Variants in RNASEH2B observed in about 807,000 individuals in gnomAD.
RNASEH2B encodes Aicardi-Goutieres syndrome 2 protein.
Under a neutral mutation model 45.0 loss-of-function variants are expected in RNASEH2B, and 36 were observed. The ratio of observed to expected loss-of-function variants is 0.80; its 90% confidence interval spans 0.61 to 1.06. The LOEUF (loss-of-function observed/expected upper bound fraction) is 1.06. Ranked by LOEUF, RNASEH2B falls within the 50% of genes least tolerant of loss-of-function variation. The probability of loss-of-function intolerance (pLI) is 0.00; values close to 1 mark genes in which losing one functional copy is unlikely to be tolerated. For missense variants in RNASEH2B, 361 were observed against 360.3 expected (o/e 1.00, Z -0.02); for synonymous variants, 119 against 125.7 (o/e 0.95, Z 0.35).
In RNASEH2B at chr13:50,945,692, G is replaced by A. The variant is rs17075018; in HGVS notation, c.616+160G>A. On this transcript the variant is annotated intron_variant, in intron 7 of 10. Coordinates refer to ENST00000336617, the MANE Select transcript of RNASEH2B (RefSeq NM_024570.4). ...CAGGTGTGCATCTTATTTCAGAAGC[G>A]AAGAATATTTCTACCATAGGTTACT... Among the ~76,000 whole-genome samples, 35,802 of 152,054 alleles carry A rather than the reference G, an allele frequency of 0.24. 5,134 individuals are homozygous for A. Among genetic ancestry groups the A allele is most frequent in the African/African-American group, 0.41 (17,029 of 41,432 alleles).
chr13:50,943,851 G>A (rs976360235), intron 6 of RNASEH2B, among the ~76,000 whole-genome samples: 1 of 152,214 alleles, frequency 6.6e-6, no homozygotes, highest in Non-Finnish European at 1.5e-5. Context: ...ACTGATGAGG[G>A]GTCATCTTAC....
intron 9 of RNASEH2B, among the ~76,000 whole-genome samples, chr13:50,968,943 C>T (rs1488374911): frequency 6.6e-6 from 1 of 152,144 alleles, no homozygotes; most frequent in East Asian, 1.9e-4. Flanking sequence ...TTACTTTACA[C>T]GTGTTTGAAA....
At chr13:50,963,307 G>T (rs1001467914) in intron 9 of RNASEH2B, among the ~76,000 whole-genome samples, 3 of 152,120 alleles carry the variant, frequency 2.0e-5, no homozygotes, top group Admixed American at 6.5e-5. Context: ...TGGGATTACA[G>T]TCATGCGTCA....
chr13:50,947,365 T>TAAG (rs1237280630), intron 7 of RNASEH2B, among the ~76,000 whole-genome samples: 11 of 148,988 alleles, frequency 7.4e-5, no homozygotes, highest in African/African-American at 2.5e-4. Context: ...TGTTTAAGTT[T>TAAG]AAGTATTTTA....
intron 9 of RNASEH2B, among the ~76,000 whole-genome samples, chr13:50,966,665 G>A (rs755794101): frequency 6.6e-6 from 1 of 152,106 alleles, no homozygotes; most frequent in Non-Finnish European, 1.5e-5. Flanking sequence ...ACTCTCCTCT[G>A]TAAGGCTTAA....
At chr13:50,957,307 AC>A (rs536428919), downstream of RNASEH2B, among the ~76,000 whole-genome samples, 65 of 152,030 alleles carry the variant, frequency 4.3e-4, no homozygotes, top group African/African-American at 1.5e-3. Context: ...GTCCATTTGT[AC>A]CCAATGTTTA....
rs1393255952 is a variant in RNASEH2B, at chr13:50,956,639, G to A, written c.*165G>A. 2 of 1,421,346 alleles carry A rather than the reference G, an allele frequency of 1.4e-6. No individual in the cohort carries two copies. The highest frequency in any genetic ancestry group is 1.8e-6 in the Non-Finnish European group (2 of 1,082,450). The allele number at this position is 1,421,346 out of a possible 1,614,324, so 88.0% of individuals were successfully genotyped here. On this transcript the variant is annotated 3_prime_UTR_variant, in exon 11 of 11. Coordinates refer to ENST00000336617, the MANE Select transcript of RNASEH2B (RefSeq NM_024570.4). ...TTTTTGTGTTCCTGAACAAAATATG[G>A]GAAAGTGTCTAACTTCATGGCTATG...
chr13:50,960,661 A>G (rs1952102850), downstream of RNASEH2B, among the ~76,000 whole-genome samples: 2 of 152,208 alleles, frequency 1.3e-5, no homozygotes, highest in South Asian at 4.1e-4. Flanking sequence ...TCAATAGCAT[A>G]ATGGATACAT....
intron 1 of RNASEH2B, chr13:50,913,193 T>C (rs1350409731): frequency 1.3e-5 from 2 of 152,236 alleles, no homozygotes; most frequent in Non-Finnish European, 2.9e-5. Flanking sequence ...CTGGGAATAC[T>C]AGCCTGTTTG....
chr13:50,953,949 C>T lies in RNASEH2B; in HGVS notation c.786C>T (p.Tyr262=), dbSNP rs776847998. Residue 262 remains tyrosine (Y), a synonymous_variant, in exon 10 of 11, where the codon TAC becomes TAT. Coordinates refer to ENST00000336617, the MANE Select transcript of RNASEH2B (RefSeq NM_024570.4). ...AGCCTGTAGAAGCAAAAGAAGATTA[C>T]ACTAAGTTTAATACTAAAGATTTGA... is the stretch of plus-strand genomic sequence containing the variant. The part of the protein sequence containing the change: ...SDEPVEAKED[Y]TKFNTKDLKT... The T allele has an allele frequency of 6.2e-7, 1 of 1,607,532 alleles. No homozygotes were observed. The highest frequency in any genetic ancestry group is 8.5e-7 in the Non-Finnish European group (1 of 1,174,166).
chr13:50,941,719 C>G lies in RNASEH2B; in HGVS notation c.437-1602C>G, dbSNP rs567280434. 2.6e-5 allele frequency: 4 copies of G among 152,302 alleles called. No individual in the cohort carries two copies. In the East Asian group the frequency reaches 7.7e-4, roughly 29 times the overall value. The allele number at this position is 152,302 out of a possible 1,614,324, so 9.4% of individuals were successfully genotyped here. ...GGGCTCCAGGGAAATTGAGTCCGGTCTCATTGGCTTTGGCTTACAGTAGGC... is the reference window on the plus strand; with the variant it reads ...GGGCTCCAGGGAAATTGAGTCCGGTGTCATTGGCTTTGGCTTACAGTAGGC... On this transcript the variant is annotated intron_variant, in intron 5 of 10. Coordinates refer to ENST00000336617, the MANE Select transcript of RNASEH2B (RefSeq NM_024570.4).
chr13:50,923,257 A>G (rs1478992924), intron 1 of RNASEH2B, among the ~76,000 whole-genome samples: 1 of 152,200 alleles, frequency 6.6e-6, no homozygotes, highest in African/African-American at 2.4e-5. Context: ...TGGAAGAGGA[A>G]TATTTGAAGA....
chr13:50,932,191 C>T (rs1028237504), intron 4 of RNASEH2B, among the ~76,000 whole-genome samples: 3 of 152,208 alleles, frequency 2.0e-5, no homozygotes, highest in South Asian at 4.1e-4. Flanking sequence ...TCTGAATCAC[C>T]GTAATTCATA....
At chr13:50,909,744 C>A (rs1289233877), upstream of RNASEH2B, 1 of 237,478 alleles carries the variant, frequency 4.2e-6, no homozygotes, top group African/African-American at 2.3e-5. Context: ...CGACCCCGCC[C>A]CGCTCCGCGT....
chr13:50,936,382 G>A (rs1951752537), intron 5 of RNASEH2B: 1 of 152,214 alleles, frequency 6.6e-6, no homozygotes, highest in South Asian at 2.1e-4. Flanking sequence ...GACCAAGAAA[G>A]TGGTGATTCC....
chr13:50,918,539 C>G (rs1013965213), intron 1 of RNASEH2B, among the ~76,000 whole-genome samples: 1 of 152,200 alleles, frequency 6.6e-6, no homozygotes, highest in African/African-American at 2.4e-5. Flanking sequence ...GTCTCTCTTG[C>G]TTTCTTGGTT....
rs1357622102 is a variant in RNASEH2B, at chr13:50,945,382, T to C, written c.511-45T>C. On this transcript the variant is annotated intron_variant, in intron 6 of 10. Transcript: ENST00000336617. ...CCTATGAATTCATAGATTTCTAAAG[T>C]TAAGTTGAAAATACCCTGCCTTTCC... 2.2e-6 allele frequency: 3 copies of C among 1,356,538 alleles called. No homozygotes were observed. The African/African-American group carries it at 4.3e-5, about 19-fold the overall frequency. 84.0% of individuals were successfully genotyped at this position (1,356,538 alleles called of 1,614,324 possible).
chr13:50,912,848 G>T (rs1009388327), intron 1 of RNASEH2B: 1 of 152,240 alleles, frequency 6.6e-6, no homozygotes, highest in East Asian at 1.9e-4. Flanking sequence ...GGATTTATCC[G>T]TGAGACAAGG....
chr13:50,928,233 T>C (rs1435925680), intron 2 of RNASEH2B: 1 of 152,156 alleles, frequency 6.6e-6, no homozygotes, highest in Non-Finnish European at 1.5e-5. Flanking sequence ...ATATTAGAGG[T>C]TTCTCCTGGT....
Sources: gnomAD v4.1 joint callset for allele counts (sites outside exome capture counted in the v4.1 genomes callset) on GRCh38, gnomAD v4.1.1 for gene constraint, MANE v1.5 for transcripts, NCBI Gene and HGNC (gene_info 2026-07-23, HGNC 2026-07-21) for gene names.